The following AHCYL2 variants were observed in gnomAD, a reference collection of about 807,000 sequenced individuals.
AHCYL2 encodes the protein S-adenosylhomocysteine hydrolase-like protein 2.
A neutral mutation model predicts 81.4 loss-of-function variants in AHCYL2; 28 were observed. The observed-to-expected ratio is 0.34, with a 90% CI of 0.25 to 0.47. The LOEUF (loss-of-function observed/expected upper bound fraction) is 0.47. AHCYL2 is among the 20% of genes least tolerant of loss of function. The pLI, the probability that AHCYL2 is intolerant of heterozygous loss-of-function variation, is 1.00. For synonymous variants in AHCYL2, 272 were observed against 290.2 expected (o/e 0.94, Z 0.64); for missense variants, 551 against 785.1 (o/e 0.70, Z 3.56).
intron 4 of AHCYL2, among the ~76,000 whole-genome samples, chr7:129,396,084 G>A (rs993570901): frequency 2.0e-5 from 3 of 152,048 alleles, no homozygotes; most frequent in Non-Finnish European, 2.9e-5. Flanking sequence ...TTTGGGGTTT[G>A]TGTGTGTTTG....
intron 1 of AHCYL2, among the ~76,000 whole-genome samples, chr7:129,363,543 T>A (rs1293801816): frequency 6.6e-6 from 1 of 152,094 alleles, no homozygotes; most frequent in Non-Finnish European, 1.5e-5. Flanking sequence ...AAGTGATATA[T>A]TTTACTTGTG....
chr7:129,228,555 T>A (rs957467158), intron 1 of AHCYL2, among the ~76,000 whole-genome samples: 19 of 152,194 alleles, frequency 1.2e-4, no homozygotes, highest in African/African-American at 4.6e-4. Context: ...AAGAAGTAAT[T>A]TGGGAAATGG....
intron 12 of AHCYL2, among the ~76,000 whole-genome samples, chr7:129,421,289 A>G (rs893407329): frequency 5.3e-5 from 8 of 151,862 alleles, no homozygotes; most frequent in Non-Finnish European, 1.2e-4. Context: ...TTTTCACGTT[A>G]ACACATATAT....
chr7:129,316,952 A>T (rs1459847317), intron 1 of AHCYL2, among the ~76,000 whole-genome samples: 1 of 152,206 alleles, frequency 6.6e-6, no homozygotes, highest in African/African-American at 2.4e-5. Flanking sequence ...AGCTGATAAC[A>T]CGATAACATG....
intron 1 of AHCYL2, among the ~76,000 whole-genome samples, chr7:129,226,909 TGA>T (rs1794242734): frequency 2.2e-5 from 1 of 45,430 alleles, no homozygotes; most frequent in Non-Finnish European, 5.6e-5. Flanking sequence ...TCTGACTTGT[TGA>T]GATACTTTGT....
intron 1 of AHCYL2, among the ~76,000 whole-genome samples, chr7:129,370,560 T>C (rs1366188768): frequency 7.2e-5 from 11 of 151,992 alleles, no homozygotes; most frequent in African/African-American, 9.7e-5. Flanking sequence ...TAGCCGGGCG[T>C]GGTGGCGGGC....
At chr7:129,389,332 T>C in intron 3 of AHCYL2, 133 bp downstream of exon 3, 1 of 1,125,290 alleles carries the variant, frequency 8.9e-7, no homozygotes, top group Non-Finnish European at 1.3e-6. Flanking sequence ...AAAAGAAATG[T>C]GAGTTCAAGA....
intron 1 of AHCYL2, among the ~76,000 whole-genome samples, chr7:129,339,266 C>G (rs949506647): frequency 3.4e-4 from 51 of 152,196 alleles, no homozygotes; most frequent in African/African-American, 1.0e-3. Flanking sequence ...GAAGTGCAAT[C>G]TTGGTGCAGT....
chr7:129,253,699 C>A (rs1004873132), intron 1 of AHCYL2, among the ~76,000 whole-genome samples: 3 of 152,136 alleles, frequency 2.0e-5, no homozygotes, highest in African/African-American at 7.2e-5. Flanking sequence ...ACAGCTTCGA[C>A]CTTCTGGGCC....
rs1797492001 is a variant in AHCYL2, at chr7:129,429,453, G to A, written c.*2408G>A. ...GGGAAAGAAGGCTACTTATCTCTTT[G>A]TATGTGGCTCCAGTCTGTGAGGATA... On this transcript the variant is annotated 3_prime_UTR_variant, in exon 17 of 17. Transcript: ENST00000325006. 6.6e-6 allele frequency: 1 copy of A among 152,168 alleles called. No homozygotes were observed. Among genetic ancestry groups the A allele is most frequent in the Non-Finnish European group, 1.5e-5 (1 of 68,040 alleles). The allele number at this position is 152,168 out of a possible 1,614,324, so 9.4% of individuals were successfully genotyped here. A position where few individuals can be genotyped will look rare whatever the true frequency, so the allele number is the denominator to read the frequency against.
intron 1 of AHCYL2, among the ~76,000 whole-genome samples, chr7:129,303,166 A>G (rs111881689): frequency 7.9e-5 from 12 of 151,912 alleles, no homozygotes; most frequent in African/African-American, 2.9e-4. Context: ...ACACCCGGTT[A>G]ATTTTGTATT....
At chr7:129,372,704 C>T (rs1052369865) in intron 1 of AHCYL2, among the ~76,000 whole-genome samples, 4 of 152,060 alleles carry the variant, frequency 2.6e-5, no homozygotes, top group Admixed American at 6.6e-5. Flanking sequence ...ATCGCAGCTA[C>T]TCAGGAGGCT....
intron 1 of AHCYL2, among the ~76,000 whole-genome samples, chr7:129,258,556 CTTTTTT>C: frequency 7.5e-6 from 1 of 133,116 alleles, no homozygotes; most frequent in Non-Finnish European, 1.6e-5. Flanking sequence ...ATTTATCTTG[CTTTTTT>C]TTTTTTTTTT....
At chr7:129,238,998 T>C (rs1794738192) in intron 1 of AHCYL2, among the ~76,000 whole-genome samples, 1 of 148,730 alleles carries the variant, frequency 6.7e-6, no homozygotes, top group Non-Finnish European at 1.5e-5. Flanking sequence ...GCTTTACAAG[T>C]CTAGAAATTC....
chr7:129,376,064 A>C, intron 1 of AHCYL2: 1 of 1,080,958 alleles, frequency 9.3e-7, no homozygotes, highest in Non-Finnish European at 1.3e-6. Flanking sequence ...CCCTCTTTTA[A>C]CAGTCTCTTT....
At chr7:129,234,236 G>T (rs1339857281) in intron 1 of AHCYL2, among the ~76,000 whole-genome samples, 1 of 151,898 alleles carries the variant, frequency 6.6e-6, no homozygotes, top group Non-Finnish European at 1.5e-5. Context: ...TGACTTTCTT[G>T]TAGAGATGGG....
intron 1 of AHCYL2, among the ~76,000 whole-genome samples, chr7:129,307,276 T>C (rs191395489): frequency 2.0e-4 from 31 of 152,294 alleles, no homozygotes; most frequent in Admixed American, 3.3e-4. Flanking sequence ...AGAAATCTAC[T>C]TGGTGCCCTA....
chr7:129,425,117 G>A lies in AHCYL2; in HGVS notation c.1684G>A (p.Val562Ile), dbSNP rs749850829. The change falls in exon 15 of 17, where the codon GTC (valine) becomes ATC (isoleucine). Residue 562 changes from valine (V) to isoleucine (I), a missense_variant. Transcript: ENST00000325006. ...NAPEGRYKQD[V>I]YLLPKKMDEY... ...TCCTGAGGGTCGCTATAAGCAGGAT[G>A]TCTACCTGTTGCCCAAGAAGATGGG... 1 of 1,613,472 alleles carries A rather than the reference G, an allele frequency of 6.2e-7. No homozygotes were observed.
In AHCYL2 at chr7:129,427,995, G is replaced by A. The variant is rs1297365083; in HGVS notation, c.*950G>A. 1 of 152,258 alleles carries A rather than the reference G, an allele frequency of 6.6e-6. No homozygotes were observed. Among genetic ancestry groups the A allele is most frequent in the Non-Finnish European group, 1.5e-5 (1 of 68,044 alleles). The allele number at this position is 152,258 out of a possible 1,614,324, so 9.4% of individuals were successfully genotyped here. ...GTAGGGAAAGGCATACTTTTCCAGG[G>A]ACTTAGGGGGATAGGCTTTGGAAAT... On this transcript the variant is annotated 3_prime_UTR_variant, in exon 17 of 17. Coordinates refer to ENST00000325006, the MANE Select transcript of AHCYL2 (RefSeq NM_015328.4). This position sits in a 1 kb window ranked among gnomAD's most constrained non-coding sequence, Gnocchi z 5.5.
Sources: allele counts gnomAD v4.1 joint callset (sites outside exome capture counted in the v4.1 genomes callset), GRCh38; gene constraint gnomAD v4.1.1; non-coding constraint Gnocchi (gnomAD v3.1); transcripts MANE v1.5; gene names NCBI Gene and HGNC (gene_info 2026-07-23, HGNC 2026-07-21).